The following PDE1C variants were observed in gnomAD, a reference collection of about 807,000 sequenced individuals.
PDE1C encodes the protein phosphodiesterase 1C, also known as dual specificity calcium/calmodulin-dependent 3',5'-cyclic nucleotide phosphodiesterase 1C.
PDE1C carries 62 observed loss-of-function variants against 93.1 expected under a neutral mutation model. That is an observed-to-expected ratio of 0.67 (90% CI 0.54 to 0.82). The LOEUF is 0.82. Ranked by LOEUF, PDE1C falls within the 40% of genes least tolerant of loss-of-function variation. The probability of loss-of-function intolerance (pLI) is 0.00; values close to 1 mark genes in which losing one functional copy is unlikely to be tolerated. For synonymous variants in PDE1C, 325 were observed against 310.1 expected (o/e 1.05, Z -0.50); for missense variants, 742 against 884.6 (o/e 0.84, Z 2.04).
At chr7:32,219,204 A>C (rs947047763) in intron 1 of PDE1C, among the ~76,000 whole-genome samples, 11 of 152,124 alleles carry the variant, frequency 7.2e-5, no homozygotes, top group South Asian at 6.2e-4. Flanking sequence ...TGGAGTGACT[A>C]GTAGTGAGAG....
chr7:31,685,708 GAAAAT>G, the PDE1C span, among the ~76,000 whole-genome samples: 2 of 152,144 alleles, frequency 1.3e-5, no homozygotes, highest in African/African-American at 2.4e-5. Context: ...TCCCAGCACT[GAAAAT>G]AAAATAAAAT....
intron 11 of PDE1C, among the ~76,000 whole-genome samples, chr7:31,832,877 A>G (rs947088482): frequency 9.2e-5 from 14 of 152,206 alleles, no homozygotes; most frequent in Non-Finnish European, 1.9e-4. Flanking sequence ...CATAATTAGA[A>G]AAAGAATCAC....
At chr7:31,843,520 T>G (rs116055731) in intron 9 of PDE1C, among the ~76,000 whole-genome samples, 4,299 of 151,982 alleles carry the variant, frequency 0.028, 210 homozygotes, top group African/African-American at 0.099. Context: ...ATTCTACTTA[T>G]TCTTACTGTT....
intron 9 of PDE1C, among the ~76,000 whole-genome samples, chr7:31,847,009 G>A (rs538027076): frequency 2.0e-5 from 3 of 152,188 alleles, no homozygotes; most frequent in East Asian, 3.9e-4. Flanking sequence ...CCAATAAACA[G>A]CTGATTATTT....
intron 9 of PDE1C, among the ~76,000 whole-genome samples, chr7:31,846,363 A>G (rs963277213): frequency 4.0e-5 from 6 of 151,880 alleles, no homozygotes; most frequent in Non-Finnish European, 4.4e-5. Flanking sequence ...AAGCCTGACA[A>G]AAACAAGCTA....
At chr7:32,016,519 G>GA (rs1563199191) in intron 2 of PDE1C, among the ~76,000 whole-genome samples, 1 of 151,980 alleles carries the variant, frequency 6.6e-6, no homozygotes, top group Non-Finnish European at 1.5e-5. Flanking sequence ...TTATCTTAAA[G>GA]AAAACAATGG....
At chr7:32,343,110 C>T (rs987452565) in intron 1 of PDE1C, among the ~76,000 whole-genome samples, 3 of 152,114 alleles carry the variant, frequency 2.0e-5, no homozygotes, top group African/African-American at 7.2e-5. Context: ...CCAACAAGGA[C>T]TTGTGGACAA....
intron 1 of PDE1C, among the ~76,000 whole-genome samples, chr7:32,386,887 T>A (rs1784637541): frequency 6.6e-6 from 1 of 152,222 alleles, no homozygotes; most frequent in Non-Finnish European, 1.5e-5. Flanking sequence ...ATTTTTATTT[T>A]TTTTTTTATT....
the PDE1C span, among the ~76,000 whole-genome samples, chr7:31,677,997 G>A: frequency 6.6e-6 from 1 of 152,034 alleles, no homozygotes; most frequent in African/African-American, 2.4e-5. Flanking sequence ...ATAAAAACTA[G>A]TTTGAAGATA....
chr7:32,349,155 T>C (rs1471566256), intron 1 of PDE1C, among the ~76,000 whole-genome samples: 1 of 152,180 alleles, frequency 6.6e-6, no homozygotes, highest in Non-Finnish European at 1.5e-5. Context: ...TGTGGCCTCT[T>C]GGGAGTTTCT....
intron 1 of PDE1C, among the ~76,000 whole-genome samples, chr7:32,395,572 A>G (rs150002418): frequency 6.6e-6 from 1 of 152,330 alleles, no homozygotes; most frequent in Non-Finnish European, 1.5e-5. Context: ...TCATCCTATC[A>G]GCAAGCTGGG....
the PDE1C span, among the ~76,000 whole-genome samples, chr7:31,688,338 C>T: frequency 6.6e-6 from 1 of 152,224 alleles, no homozygotes; most frequent in Non-Finnish European, 1.5e-5. Context: ...TATTGACTCA[C>T]AGCATCCAAT....
At chr7:32,317,068 C>T (rs761374059) in intron 1 of PDE1C, among the ~76,000 whole-genome samples, 3 of 152,118 alleles carry the variant, frequency 2.0e-5, no homozygotes, top group Non-Finnish European at 2.9e-5. Flanking sequence ...ACTCCAAATG[C>T]GTGACAACTG....
chr7:31,628,506 G>A, the PDE1C span, among the ~76,000 whole-genome samples: 5 of 150,018 alleles, frequency 3.3e-5, no homozygotes, highest in Admixed American at 1.3e-4. Context: ...CACTCGGGAT[G>A]GAGTACAGTG....
intron 3 of PDE1C, among the ~76,000 whole-genome samples, chr7:32,100,558 C>T (rs1249946865): frequency 6.6e-6 from 1 of 152,156 alleles, no homozygotes; most frequent in East Asian, 1.9e-4. Flanking sequence ...AGTGTAAATG[C>T]CGTTAGAGTC....
At chr7:32,283,240 T>C (rs1369730057) in intron 1 of PDE1C, among the ~76,000 whole-genome samples, 1 of 152,190 alleles carries the variant, frequency 6.6e-6, no homozygotes, top group East Asian at 1.9e-4. Flanking sequence ...TGAAAAGACA[T>C]TAATTATACA....
chr7:32,197,566 G>A (rs1265848228), intron 2 of PDE1C, among the ~76,000 whole-genome samples: 2 of 152,134 alleles, frequency 1.3e-5, no homozygotes, highest in African/African-American at 2.4e-5. Context: ...ATTGACTGAG[G>A]AAAGGAAAAA....
chr7:32,299,260 C>T, exon 1 of PDE1C: 1 of 987,336 alleles, frequency 1.0e-6, no homozygotes, highest in Non-Finnish European at 1.2e-6. Flanking sequence ...CCAGAAAGCA[C>T]ATCAACAGAT....
intron 3 of PDE1C, among the ~76,000 whole-genome samples, chr7:31,879,535 G>A (rs974093599): frequency 2.0e-5 from 3 of 152,128 alleles, no homozygotes; most frequent in Non-Finnish European, 4.4e-5. Flanking sequence ...ACCATGTGAC[G>A]TTATTTTGTT....
Sources: gnomAD v4.1 joint callset for allele counts (sites outside exome capture counted in the v4.1 genomes callset) on GRCh38, gnomAD v4.1.1 for gene constraint, MANE v1.5 for transcripts, NCBI Gene and HGNC (gene_info 2026-07-23, HGNC 2026-07-21) for gene names.